PCDH11X: variants seen among roughly 807,000 people sequenced by gnomAD.
PCDH11X encodes the protein protocadherin-11 X-linked.
In PCDH11X, 18 loss-of-function variants were observed where a neutral mutation model predicts 53.3. The observed-to-expected ratio is 0.34, with a 90% CI of 0.23 to 0.50. The LOEUF (loss-of-function observed/expected upper bound fraction) is 0.50, where lower values mean the gene tolerates loss of function less well. Among genes scored for constraint, PCDH11X ranks in the 20% least tolerant of loss-of-function variants. PCDH11X has a pLI of 0.98. For missense variants in PCDH11X, 570 were observed against 1,032.4 expected (o/e 0.55, Z 6.14); for synonymous variants, 279 against 393.3 (o/e 0.71, Z 3.44).
chrX:92,054,104 C>T (rs1037181404), intron 6 of PCDH11X, among the ~76,000 whole-genome samples: 19 of 111,750 alleles, frequency 1.7e-4, no homozygotes, highest in Non-Finnish European at 3.0e-4. Flanking sequence ...AAGATACTAA[C>T]ATTTCAACAC....
intron 6 of PCDH11X, among the ~76,000 whole-genome samples, chrX:92,147,858 C>CTTTCTT (rs1201059846): frequency 1.9e-4 from 5 of 26,519 alleles, no homozygotes; most frequent in Non-Finnish European, 7.5e-5. Context: ...TTTCTTTTTT[C>CTTTCTT]TTTTCTCTCT....
intron 7 of PCDH11X, among the ~76,000 whole-genome samples, chrX:92,250,846 G>T (rs2067447373): frequency 9.2e-6 from 1 of 109,044 alleles, no homozygotes; most frequent in South Asian, 3.9e-4. Context: ...GTTGAGAAAT[G>T]GGAATATAAG....
intron 4 of PCDH11X, among the ~76,000 whole-genome samples, chrX:91,819,941 G>A (rs1230509394): frequency 2.0e-4 from 20 of 98,889 alleles, no homozygotes; most frequent in African/African-American, 6.9e-4. Flanking sequence ...TTGTTCTTGC[G>A]ATAGTTTACT....
chrX:92,010,033 T>C (rs1408764891), intron 6 of PCDH11X, among the ~76,000 whole-genome samples: 1 of 110,906 alleles, frequency 9.0e-6, no homozygotes, highest in East Asian at 2.8e-4. Context: ...TTATGACTTC[T>C]CTAGTATTTA....
At chrX:92,166,116 A>G (rs997269047) in intron 6 of PCDH11X, among the ~76,000 whole-genome samples, 2 of 109,949 alleles carry the variant, frequency 1.8e-5, no homozygotes, top group African/African-American at 6.6e-5. Context: ...TAATATTTAA[A>G]TATAGCTGAC....
intron 8 of PCDH11X, among the ~76,000 whole-genome samples, chrX:92,305,282 G>A (rs1314671875): frequency 1.8e-5 from 2 of 108,911 alleles, no homozygotes; most frequent in African/African-American, 6.7e-5. Flanking sequence ...CCACAGATGG[G>A]GTAACTTAAA....
intron 8 of PCDH11X, among the ~76,000 whole-genome samples, chrX:92,286,572 G>A (rs1398155019): frequency 1.0e-5 from 1 of 99,153 alleles, no homozygotes; most frequent in Non-Finnish European, 2.0e-5. Flanking sequence ...TTCCTTCAAA[G>A]AGACCACTTA....
chrX:92,299,538 GA>G (rs1323983512), intron 8 of PCDH11X, among the ~76,000 whole-genome samples: 1 of 111,374 alleles, frequency 9.0e-6, no homozygotes, highest in African/African-American at 3.3e-5. Flanking sequence ...TTAGTCTTGA[GA>G]GGTTGTATGT....
At chrX:92,110,911 T>C (rs1347137510) in intron 6 of PCDH11X, among the ~76,000 whole-genome samples, 2 of 107,816 alleles carry the variant, frequency 1.9e-5, no homozygotes, top group African/African-American at 7.2e-5. Flanking sequence ...AAATATCCCT[T>C]TCTGGCTCTC....
intron 6 of PCDH11X, among the ~76,000 whole-genome samples, chrX:91,929,452 G>A (rs1470569324): frequency 1.8e-5 from 2 of 110,122 alleles, no homozygotes; most frequent in Non-Finnish European, 3.8e-5. Context: ...TAAGGAAATC[G>A]AAGCCCAAAA....
At chrX:92,255,730 G>A (rs2067563278) in intron 7 of PCDH11X, among the ~76,000 whole-genome samples, 1 of 112,124 alleles carries the variant, frequency 8.9e-6, no homozygotes, top group Non-Finnish European at 1.9e-5. Flanking sequence ...CCTACTGGAG[G>A]GTGCCTCCCA....
intron 10 of PCDH11X, among the ~76,000 whole-genome samples, chrX:92,555,681 G>T (rs928747235): frequency 9.0e-6 from 1 of 111,337 alleles, no homozygotes; most frequent in African/African-American, 3.3e-5. Flanking sequence ...CAGCTGCTTG[G>T]TATTTGGATA....
At chrX:92,611,679 C>G (rs1213051700) in intron 10 of PCDH11X, among the ~76,000 whole-genome samples, 2 of 102,668 alleles carry the variant, frequency 1.9e-5, no homozygotes, top group East Asian at 3.0e-4. Context: ...AAGAATGCTT[C>G]TAGTTTTTGC....
intron 1 of PCDH11X, among the ~76,000 whole-genome samples, chrX:91,801,178 TCA>T (rs1935924079): frequency 2.0e-5 from 1 of 49,978 alleles, no homozygotes. Flanking sequence ...AGACCCTGCC[TCA>T]AAAAAAAAAA....
chrX:92,230,707 GGT>G (rs1309651169), intron 7 of PCDH11X, among the ~76,000 whole-genome samples: 1 of 102,610 alleles, frequency 9.7e-6, no homozygotes, highest in East Asian at 3.0e-4. Context: ...CAATGGAGCT[GGT>G]ATCCTGGGAA....
At chrX:92,233,978 C>T (rs186439605) in intron 7 of PCDH11X, among the ~76,000 whole-genome samples, 11 of 111,805 alleles carry the variant, frequency 9.8e-5, no homozygotes, top group Admixed American at 3.8e-4. Context: ...ATAGTTTTAG[C>T]AGCTTGACTT....
chrX:92,371,772 A>T (rs1347484855), intron 8 of PCDH11X, among the ~76,000 whole-genome samples: 1 of 107,456 alleles, frequency 9.3e-6, no homozygotes, highest in Non-Finnish European at 1.9e-5. Context: ...TGTAGGTGGG[A>T]ATAGCAGTGC....
intron 8 of PCDH11X, among the ~76,000 whole-genome samples, chrX:92,364,652 T>C (rs1159338466): frequency 9.1e-6 from 1 of 110,437 alleles, no homozygotes; most frequent in Non-Finnish European, 1.9e-5. Context: ...TTTCTATGAC[T>C]CTTTTACCTC....
chrX:92,066,896 G>A (rs1288789074), intron 6 of PCDH11X, among the ~76,000 whole-genome samples: 5 of 112,021 alleles, frequency 4.5e-5, no homozygotes, highest in Non-Finnish European at 9.4e-5. Flanking sequence ...TTGAGGTCAA[G>A]AGTTCAAGAC....
Sources: gnomAD v4.1 joint callset for allele counts (sites outside exome capture counted in the v4.1 genomes callset) on GRCh38, gnomAD v4.1.1 for gene constraint, MANE v1.5 for transcripts, NCBI Gene and HGNC (gene_info 2026-07-23, HGNC 2026-07-21) for gene names.